Variants in VWCE observed in about 807,000 individuals in gnomAD.
VWCE encodes the protein von Willebrand factor C and EGF domain-containing protein.
VWCE carries 68 observed loss-of-function variants against 102.9 expected under a neutral mutation model. That is an observed-to-expected ratio of 0.66 (90% CI 0.54 to 0.81). The LOEUF is 0.81. Among genes scored for constraint, VWCE ranks in the 30% least tolerant of loss-of-function variants. The probability of loss-of-function intolerance (pLI) is 0.00; values close to 1 mark genes in which losing one functional copy is unlikely to be tolerated. For synonymous variants in VWCE, 497 were observed against 515.4 expected, an observed-to-expected ratio of 0.96 and a Z score of 0.48; for missense variants, 1,137 against 1,263.6, an observed-to-expected ratio of 0.90 and a Z score of 1.52.
At chr11:61,265,060 G>A (rs1171394175) in intron 17 of VWCE, 22 bp from the exon 18 acceptor site, 3 of 1,613,980 alleles carry the variant, frequency 1.9e-6, no homozygotes, top group African/African-American at 1.3e-5. Flanking sequence ...GGGGAGACAG[G>A]AGCCCATGAG....
chr11:61,258,915 G>A lies in VWCE; in HGVS notation c.2628C>T (p.Phe876=). ...QPPPVTPERS[F]SASGAQIVSR... Reference sequence around the variant, plus strand: ...ACACTATCTGGGCCCCAGAGGCTGAGAACGAGCGCTCTGGAGTCACAGGAG... The same window carrying A: ...ACACTATCTGGGCCCCAGAGGCTGAAAACGAGCGCTCTGGAGTCACAGGAG... Residue 876 remains phenylalanine, a synonymous_variant, in exon 20 of 20, where the codon TTC becomes TTT. Transcript: ENST00000335613. 1.3e-6 allele frequency: 2 copies of A among 1,534,716 alleles called. No individual in the cohort carries two copies. The highest frequency in any genetic ancestry group is 1.7e-6 in the Non-Finnish European group (2 of 1,144,602).
chr11:61,284,896 T>C (rs1455360498), intron 5 of VWCE, among the ~76,000 whole-genome samples: 1 of 151,696 alleles, frequency 6.6e-6, no homozygotes, highest in African/African-American at 2.4e-5. Flanking sequence ...TGAACTGAGA[T>C]TGCAACAATG....
chr11:61,291,345 A>G lies in VWCE; in HGVS notation c.214T>C (p.Ser72Pro). The G allele has an allele frequency of 6.2e-7, 1 of 1,613,096 alleles. No individual in the cohort carries two copies. The highest frequency in any genetic ancestry group is 8.5e-7 in the Non-Finnish European group (1 of 1,179,586). Residue 72 changes from serine to proline, a missense_variant, in exon 3 of 20, where the codon TCC (serine) becomes CCC (proline). Transcript: ENST00000335613. ...CAGATGCCACTCCCACAGCCGAAGG[A>G]GCAGAGGGCTGAGAGGAGAAGTGCA... ...GGGHCTLPLC[S>P]FGCGSGICIA...
chr11:61,280,446 C>T (rs1855083326), intron 9 of VWCE, among the ~76,000 whole-genome samples, 178 bp downstream of exon 9: 1 of 152,122 alleles, frequency 6.6e-6, no homozygotes, highest in South Asian at 2.1e-4. Context: ...CATGTTCTGG[C>T]CCTATCCCAG....
At chr11:61,271,618 CT>C in intron 14 of VWCE, 56 bp downstream of exon 14, 13 of 1,542,912 alleles carry the variant, frequency 8.4e-6, no homozygotes, top group Non-Finnish European at 1.1e-5. Context: ...CTTGTCTCCT[CT>C]GGGTGAGGCG....
intron 19 of VWCE, among the ~76,000 whole-genome samples, chr11:61,259,781 T>C (rs1854301021): frequency 6.6e-6 from 1 of 152,188 alleles, no homozygotes; most frequent in South Asian, 2.1e-4. Context: ...CTCTCTGTAC[T>C]TTCCACTCAA....
At chr11:61,281,955 C>A in intron 6 of VWCE, 41 bp from the exon 7 acceptor site, 1 of 1,589,760 alleles carries the variant, frequency 6.3e-7, no homozygotes, top group Non-Finnish European at 8.6e-7. Context: ...TTTGTTTGGG[C>A]TACGGAGCCC....
chr11:61,263,303 C>CA (rs763833059), intron 19 of VWCE, among the ~76,000 whole-genome samples: 5,501 of 70,002 alleles, frequency 0.079, 324 homozygotes, highest in African/African-American at 0.22. Context: ...TGAGAATCCT[C>CA]AAAAAAAAAA....
chr11:61,285,326 T>C (rs1565228988), intron 5 of VWCE, among the ~76,000 whole-genome samples: 1 of 152,172 alleles, frequency 6.6e-6, no homozygotes, highest in Non-Finnish European at 1.5e-5. Context: ...GTCACAATTA[T>C]CGGCCTTGTG....
chr11:61,259,693 A>G (rs910367962), intron 19 of VWCE, among the ~76,000 whole-genome samples: 2 of 152,220 alleles, frequency 1.3e-5, no homozygotes, highest in African/African-American at 4.8e-5. Context: ...ATCACCGATT[A>G]TAACAAACAT....
chr11:61,273,053 AACTCAC>A, intron 13 of VWCE, 140 bp downstream of exon 13: 1 of 771,778 alleles, frequency 1.3e-6, no homozygotes, highest in East Asian at 2.6e-5. Context: ...ACTACACAAA[AACTCAC>A]ACTCATACAC....
chr11:61,278,436 C>T lies in VWCE; in HGVS notation c.1365G>A (p.Val455=). Residue 455 remains valine (V), a synonymous_variant, in exon 10 of 20, where the codon GTG becomes GTA. Coordinates refer to ENST00000335613, the MANE Select transcript of VWCE (RefSeq NM_152718.2). The stretch of plus-strand genomic sequence containing the variant: ...TGCAGTTCTCATTGGGAGGTGAAAA[C>T]ACATCCCCTTCAGCTCGGACGACAC... The part of the protein sequence containing the change: ...HSGVVRAEGD[V]FSPPNENCTV... 6.2e-7 allele frequency: 1 copy of T among 1,614,178 alleles called. No individual in the cohort carries two copies. Among genetic ancestry groups the T allele is most frequent in the Non-Finnish European group, 8.5e-7 (1 of 1,180,026 alleles).
At chr11:61,289,871 G>A (rs2134850815) in intron 4 of VWCE, among the ~76,000 whole-genome samples, 1 of 152,318 alleles carries the variant, frequency 6.6e-6, no homozygotes, top group Middle Eastern at 3.4e-3. Flanking sequence ...TTCAGGGGGA[G>A]AAATATTACT....
At chr11:61,287,138 C>T (rs1441687584) in intron 4 of VWCE, among the ~76,000 whole-genome samples, 2 of 152,110 alleles carry the variant, frequency 1.3e-5, no homozygotes, top group Non-Finnish European at 2.9e-5. Flanking sequence ...CTCCCTTGCA[C>T]GGCCCTCTCT....
chr11:61,264,360 C>T (rs188913918), intron 19 of VWCE, 127 bp downstream of exon 19: 109 of 923,858 alleles, frequency 1.2e-4, no homozygotes, highest in African/African-American at 1.1e-3. Flanking sequence ...CAACCTTGCG[C>T]GAGCCGTGTT....
At chr11:61,271,372 C>T in intron 14 of VWCE, 2 of 300,322 alleles carry the variant, frequency 6.7e-6, no homozygotes, top group Non-Finnish European at 1.3e-5. Flanking sequence ...GTCTCGATCT[C>T]CTGACCTTGT....
chr11:61,262,358 C>G (rs1854385996), intron 19 of VWCE, among the ~76,000 whole-genome samples: 1 of 152,180 alleles, frequency 6.6e-6, no homozygotes. Flanking sequence ...TTAAGTCTTA[C>G]ACACCAACTA....
chr11:61,264,408 A>T, intron 19 of VWCE, 79 bp downstream of exon 19: 2 of 1,404,720 alleles, frequency 1.4e-6, no homozygotes, highest in African/African-American at 1.4e-5. Context: ...CCAGCCCTTT[A>T]CAAGTTCTAT....
intron 18 of VWCE, 133 bp from the exon 19 acceptor site, chr11:61,264,710 C>T: frequency 9.5e-7 from 1 of 1,049,556 alleles, no homozygotes; most frequent in Non-Finnish European, 1.4e-6. Context: ...AGTGCCTGAG[C>T]CCTCGCCTGG....
Sources: allele counts gnomAD v4.1 joint callset (sites outside exome capture counted in the v4.1 genomes callset), GRCh38; gene constraint gnomAD v4.1.1; transcripts MANE v1.5; gene names NCBI Gene and HGNC (gene_info 2026-07-23, HGNC 2026-07-21).